The following MGAT1 variants were observed in gnomAD, a reference collection of about 807,000 sequenced individuals.
The protein encoded by MGAT1 is alpha-1,3-mannosyl-glycoprotein 2-beta-N-acetylglucosaminyltransferase.
Under a neutral mutation model 31.7 loss-of-function variants are expected in MGAT1, and 14 were observed. That is an observed-to-expected ratio of 0.44 (90% CI 0.29 to 0.69). The LOEUF is 0.69. Ranked by LOEUF, MGAT1 falls within the 30% of genes least tolerant of loss-of-function variation. The pLI is 0.12. For synonymous variants in MGAT1, 338 were observed against 276.0 expected, an observed-to-expected ratio of 1.22 and a Z score of -2.23; for missense variants, 557 against 626.0, an observed-to-expected ratio of 0.89 and a Z score of 1.18.
At chr5:180,812,412 CCTT>C (rs1772633999) in intron 1 of MGAT1, among the ~76,000 whole-genome samples, 2 of 152,116 alleles carry the variant, frequency 1.3e-5, no homozygotes, top group Admixed American at 1.3e-4. Context: ...ACTTAAGTGA[CCTT>C]CGATTTTTCG....
At chr5:180,798,699 C>G (rs1203232673) in intron 1 of MGAT1, among the ~76,000 whole-genome samples, 1 of 152,234 alleles carries the variant, frequency 6.6e-6, no homozygotes, top group East Asian at 1.9e-4. Context: ...TTGGTAAAAT[C>G]TGATCTGATC....
chr5:180,811,501 C>T (rs1772564516), intron 1 of MGAT1: 1 of 152,292 alleles, frequency 6.6e-6, no homozygotes, highest in African/African-American at 2.4e-5. Context: ...TCCATTTACT[C>T]AGGCCAGAAC....
upstream of MGAT1, among the ~76,000 whole-genome samples, chr5:180,806,906 G>A (rs1434941337): frequency 1.3e-5 from 2 of 152,192 alleles, no homozygotes; most frequent in African/African-American, 2.4e-5. Flanking sequence ...GAAATTTGCT[G>A]GGTGAAGCTG....
rs944140852 is a variant in MGAT1 at position 180,802,746 on chromosome 5, C to G, written c.-193G>C. On this transcript the variant is annotated 5_prime_UTR_variant, in exon 1 of 2. Coordinates refer to ENST00000307826, the MANE Select transcript of MGAT1 (RefSeq NM_002406.4). Reference sequence around the variant, plus strand: ...GGGGCGCAGGGAGCGAGCCCGGTGCCCAGGCGCGTCCCAAGCGCTGCCGCG... The same window carrying G: ...GGGGCGCAGGGAGCGAGCCCGGTGCGCAGGCGCGTCCCAAGCGCTGCCGCG... 6.6e-6 allele frequency: 1 copy of G among 152,132 alleles called. No individual in the cohort carries two copies. Among genetic ancestry groups the G allele is most frequent in the Non-Finnish European group, 1.5e-5 (1 of 68,010 alleles). 9.4% of individuals were successfully genotyped at this position (152,132 alleles called of 1,614,324 possible). A position where few individuals can be genotyped will look rare whatever the true frequency, so the allele number is the denominator to read the frequency against.
Position 180,791,658 on chromosome 5 carries a change from C to T in MGAT1, c.1314G>A (p.Glu438=), listed in dbSNP as rs755184102. 2 of 1,613,732 alleles carry T rather than the reference C, an allele frequency of 1.2e-6. No homozygotes were observed. Among genetic ancestry groups the T allele is most frequent in the South Asian group, 2.2e-5 (2 of 91,082 alleles). Residue 438 remains glutamate (E), a synonymous_variant, in exon 2 of 2, where the codon GAG becomes GAA. Coordinates refer to ENST00000307826, the MANE Select transcript of MGAT1 (RefSeq NM_002406.4). Reference sequence around the variant, plus strand: ...GCTAATTCCAGCTAGGATCATAGCCCTCCCACGTCAGTGGGGGCGCCAGGT... The same window carrying T: ...GCTAATTCCAGCTAGGATCATAGCCTTCCCACGTCAGTGGGGGCGCCAGGT... ...RVHLAPPLTW[E]GYDPSWN is the part of the protein sequence containing the mutation.
chr5:180,793,134 A>C (rs1768602537), intron 1 of MGAT1, 37 bp from the exon 2 acceptor site: 3 of 855,184 alleles, frequency 3.5e-6, no homozygotes, highest in Non-Finnish European at 5.3e-6. Context: ...CGTCACACAA[A>C]GGCTCGTGGC....
intron 1 of MGAT1, among the ~76,000 whole-genome samples, chr5:180,800,547 T>C (rs1770522756): frequency 6.6e-6 from 1 of 152,208 alleles, no homozygotes; most frequent in Non-Finnish European, 1.5e-5. Flanking sequence ...AACCCCTCTA[T>C]GTGGCCTGGA....
At chr5:180,806,764 G>A (rs553814802), upstream of MGAT1, among the ~76,000 whole-genome samples, 3 of 152,344 alleles carry the variant, frequency 2.0e-5, no homozygotes, top group South Asian at 4.1e-4. Flanking sequence ...ACTGGATCAC[G>A]TGATAGAAGC....
At chr5:180,809,902 C>T (rs1388383269) in intron 1 of MGAT1, 1 of 152,440 alleles carries the variant, frequency 6.6e-6, no homozygotes, top group Non-Finnish European at 1.5e-5. Context: ...AAGAATTTAA[C>T]TCCTCCCACC....
intron 1 of MGAT1, among the ~76,000 whole-genome samples, chr5:180,814,956 T>A (rs974379985): frequency 1.3e-5 from 2 of 148,944 alleles, no homozygotes; most frequent in African/African-American, 2.5e-5. Flanking sequence ...AAAAAAAAAA[T>A]TAAAAATTAA....
At chr5:180,812,227 A>G (rs1772621990) in intron 1 of MGAT1, among the ~76,000 whole-genome samples, 1 of 152,216 alleles carries the variant, frequency 6.6e-6, no homozygotes, top group Admixed American at 6.5e-5. Context: ...AAATGAACCA[A>G]TGAATGAACT....
rs975114721 is a variant in MGAT1 at position 180,790,121 on chromosome 5, G to A, written c.*1513C>T. On this transcript the variant is annotated 3_prime_UTR_variant, in exon 2 of 2. Transcript: ENST00000307826. ...TCAGCTGTGTACCCTGAGGCTCCCC[G>A]GCACGTCATAAAGGGCACTCAATAA... is the stretch of plus-strand genomic sequence containing the variant. 10 of 152,282 alleles carry A rather than the reference G, an allele frequency of 6.6e-5. No homozygotes were observed. The highest frequency in any genetic ancestry group is 4.4e-5 in the Non-Finnish European group (3 of 68,070). 9.4% of individuals were successfully genotyped at this position (152,282 alleles called of 1,614,324 possible).
chr5:180,802,560 C>T (rs1018124425), intron 1 of MGAT1, 120 bp downstream of exon 1: 5 of 152,342 alleles, frequency 3.3e-5, no homozygotes, highest in African/African-American at 1.2e-4. Flanking sequence ...CCAGCCAAGC[C>T]CCCTCTCGCT....
chr5:180,795,095 G>A (rs1463763823), intron 1 of MGAT1, among the ~76,000 whole-genome samples: 3 of 152,116 alleles, frequency 2.0e-5, no homozygotes, highest in African/African-American at 7.2e-5. Context: ...CACATACACT[G>A]TGATTCCATT....
At chr5:180,793,155 A>G in intron 1 of MGAT1, 58 bp from the exon 2 acceptor site, 2 of 719,718 alleles carry the variant, frequency 2.8e-6, no homozygotes, top group Non-Finnish European at 4.5e-6. Flanking sequence ...TCCATGCCCC[A>G]CAGGTAGAGG....
At chr5:180,794,278 G>A (rs752832822) in intron 1 of MGAT1, among the ~76,000 whole-genome samples, 20 of 150,896 alleles carry the variant, frequency 1.3e-4, no homozygotes, top group Non-Finnish European at 2.2e-4. Flanking sequence ...TGTGGTCCCA[G>A]CTACTCAGGA....
chr5:180,802,856 A>AGGCGGGGCGG (rs1338961118), upstream of MGAT1: 16 of 149,120 alleles, frequency 1.1e-4, no homozygotes, highest in South Asian at 2.3e-4. Flanking sequence ...CTTCCCCGGC[A>AGGCGGGGCGG]GGCGGGGCGG....
chr5:180,801,826 C>CACTG (rs1327920350), intron 1 of MGAT1, among the ~76,000 whole-genome samples: 3 of 152,160 alleles, frequency 2.0e-5, no homozygotes, highest in African/African-American at 7.2e-5. Flanking sequence ...TAACACAGGC[C>CACTG]ACTGAGGTCA....
At chr5:180,802,970 C>G (rs1771229536), upstream of MGAT1, 1 of 152,000 alleles carries the variant, frequency 6.6e-6, no homozygotes, top group African/African-American at 2.4e-5. Context: ...TTCCCCGCCG[C>G]TTCTCAGTCA....
Sources: gnomAD v4.1 joint callset for allele counts (sites outside exome capture counted in the v4.1 genomes callset) on GRCh38, gnomAD v4.1.1 for gene constraint, MANE v1.5 for transcripts, NCBI Gene and HGNC (gene_info 2026-07-23, HGNC 2026-07-21) for gene names.